SLC4A5: variants seen among roughly 807,000 people sequenced by gnomAD.
The protein encoded by SLC4A5 is solute carrier family 4 member 5.
Under a neutral mutation model 120.4 loss-of-function variants are expected in SLC4A5, and 96 were observed. That is an observed-to-expected ratio of 0.80 (90% CI 0.68 to 0.94). The LOEUF (loss-of-function observed/expected upper bound fraction) is 0.94. Ranked by LOEUF, SLC4A5 falls within the 40% of genes least tolerant of loss-of-function variation. The probability of loss-of-function intolerance (pLI) is 0.00; values close to 1 mark genes in which losing one functional copy is unlikely to be tolerated. For synonymous variants in SLC4A5, 550 were observed against 571.1 expected (o/e 0.96, Z 0.53); for missense variants, 1,259 against 1,459.5 (o/e 0.86, Z 2.24).
intron 3 of SLC4A5, among the ~76,000 whole-genome samples, chr2:74,336,192 C>A (rs897223478): frequency 3.9e-5 from 6 of 152,136 alleles, no homozygotes; most frequent in East Asian, 1.9e-4. Context: ...CTCAGCCTCC[C>A]AAATATCTGG....
At chr2:74,296,985 G>A (rs1573074599) in intron 7 of SLC4A5, among the ~76,000 whole-genome samples, 1 of 152,174 alleles carries the variant, frequency 6.6e-6, no homozygotes, top group South Asian at 2.1e-4. Flanking sequence ...ACCTTGTGAG[G>A]TTCCAGTGTC....
Position 74,262,229 on chromosome 2 carries a change from C to A in SLC4A5, c.719G>T (p.Arg240Leu), listed in dbSNP as rs200437626. The A allele has an allele frequency of 9.3e-6, 15 of 1,612,904 alleles. No individual in the cohort carries two copies. The African/African-American group carries it at 1.1e-4, about 11-fold the overall frequency. ...AGCACCAGGGCTCCGGGCAGGACTG[C>A]GATCTGGGAGGAGAATCAGAAGGGA... Residue 240 changes from arginine to leucine, a missense_variant, in exon 11 of 31, where the codon CGC (arginine) becomes CTC (leucine). Transcript: ENST00000394019.
At chr2:74,303,540 T>C (rs1009654287) in intron 7 of SLC4A5, among the ~76,000 whole-genome samples, 8 of 152,202 alleles carry the variant, frequency 5.3e-5, no homozygotes, top group African/African-American at 1.9e-4. Context: ...AAATGTCACA[T>C]TTGTGCTCTA....
chr2:74,239,226 TG>T, intron 21 of SLC4A5, 108 bp downstream of exon 21: 1 of 1,005,972 alleles, frequency 9.9e-7, no homozygotes, highest in Non-Finnish European at 1.5e-6. Context: ...AAAACCCCAG[TG>T]GGCCAGTGCT....
At chr2:74,265,578 T>C (rs1482822819) in intron 8 of SLC4A5, among the ~76,000 whole-genome samples, 1 of 152,222 alleles carries the variant, frequency 6.6e-6, no homozygotes, top group Non-Finnish European at 1.5e-5. Flanking sequence ...CTAAAAATCA[T>C]TTACCAGTAC....
intron 5 of SLC4A5, among the ~76,000 whole-genome samples, chr2:74,319,656 A>T (rs993629243): frequency 6.6e-6 from 1 of 152,000 alleles, no homozygotes; most frequent in African/African-American, 2.4e-5. Flanking sequence ...AATATAGTGC[A>T]TTCTCTCTCT....
Position 74,255,762 on chromosome 2 carries a change from C to T in SLC4A5, c.1025+13G>A. On this transcript the variant is annotated intron_variant, in intron 13 of 30. Coordinates refer to ENST00000394019, the Ensembl canonical transcript of SLC4A5. This position sits in a 1 kb window ranked among gnomAD's most constrained non-coding sequence, Gnocchi z 4.0. ...CTGAGAGTGGCGTGGGGACAGGTTT[C>T]AATGGCTCTCACCTGGTGGGGACAG... 6.2e-7 allele frequency: 1 copy of T among 1,613,924 alleles called. No homozygotes were observed. The highest frequency in any genetic ancestry group is 8.5e-7 in the Non-Finnish European group (1 of 1,179,898).
At chr2:74,279,563 C>T (rs1671746006) in intron 8 of SLC4A5, among the ~76,000 whole-genome samples, 1 of 152,122 alleles carries the variant, frequency 6.6e-6, no homozygotes, top group Non-Finnish European at 1.5e-5. Context: ...TTATCCTTTT[C>T]TGTGGGCTTG....
intron 12 of SLC4A5, among the ~76,000 whole-genome samples, chr2:74,257,042 C>A (rs1410773054): frequency 6.6e-6 from 1 of 152,178 alleles, no homozygotes; most frequent in African/African-American, 2.4e-5. Flanking sequence ...GAAGACACAG[C>A]TTCCTTGTGC....
At chr2:74,241,657 G>A (rs1181016244) in intron 20 of SLC4A5, among the ~76,000 whole-genome samples, 1 of 150,288 alleles carries the variant, frequency 6.7e-6, no homozygotes, top group African/African-American at 2.5e-5. Context: ...CAGGAGAATT[G>A]CTTGAACCTG....
In SLC4A5 at chr2:74,255,653, C is replaced by G. The variant is rs559838679; in HGVS notation, c.1025+122G>C. On this transcript the variant is annotated intron_variant, in intron 13 of 30. Coordinates refer to ENST00000394019, the Ensembl canonical transcript of SLC4A5. The surrounding 1 kb of genome is among the most constrained non-coding windows in gnomAD (Gnocchi z 4.0). The stretch of plus-strand genomic sequence containing the variant: ...TTCCCTAGTCAGAAGATTTCCCTTC[C>G]CAGCAGCCTCCACGTTTAGAGGTGC... The G allele has an allele frequency of 1.3e-3, 1,563 of 1,162,208 alleles. 5 individuals are homozygous for G. Among genetic ancestry groups the G allele is most frequent in the South Asian group, 6.2e-3 (393 of 63,408 alleles). The allele number at this position is 1,162,208 out of a possible 1,614,324, so 72.0% of individuals were successfully genotyped here.
chr2:74,320,410 A>G (rs1241637919), intron 5 of SLC4A5, among the ~76,000 whole-genome samples: 2 of 152,204 alleles, frequency 1.3e-5, no homozygotes, highest in Non-Finnish European at 1.5e-5. Context: ...CCAGAAAAAA[A>G]TAAGTCATCT....
chr2:74,241,850 G>T, intron 20 of SLC4A5, 144 bp downstream of exon 20: 1 of 576,132 alleles, frequency 1.7e-6, no homozygotes. Flanking sequence ...CATTTACAAA[G>T]CTCTGCAGGT....
chr2:74,339,398 TGAA>T (rs1452978422), intron 2 of SLC4A5: 6 of 151,802 alleles, frequency 4.0e-5, no homozygotes, highest in Non-Finnish European at 8.8e-5. Flanking sequence ...AAATAAAAGT[TGAA>T]GAAAAAAATA....
chr2:74,246,951 C>G (rs1670629307), intron 19 of SLC4A5, 85 bp downstream of exon 19: 27 of 1,529,158 alleles, frequency 1.8e-5, no homozygotes, highest in Non-Finnish European at 2.2e-5. Flanking sequence ...CCCTCCCCAG[C>G]AGTAGAAGTA....
chr2:74,292,303 T>C (rs1202252370), intron 7 of SLC4A5, among the ~76,000 whole-genome samples: 1 of 152,120 alleles, frequency 6.6e-6, no homozygotes, highest in Admixed American at 6.5e-5. Context: ...AAGGGCCCAA[T>C]CCTTCTCAGC....
chr2:74,242,427 A>G (rs1670477325), intron 19 of SLC4A5, among the ~76,000 whole-genome samples: 1 of 152,224 alleles, frequency 6.6e-6, no homozygotes, highest in Non-Finnish European at 1.5e-5. Flanking sequence ...AACTTACTCT[A>G]TGCCATGCCC....
At chr2:74,307,161 G>T in intron 6 of SLC4A5, 1 of 560,378 alleles carries the variant, frequency 1.8e-6, no homozygotes, top group Non-Finnish European at 3.3e-6. Flanking sequence ...AACCTTGGCA[G>T]ACTGCATGGT....
chr2:74,327,700 A>T (rs1361671543), intron 5 of SLC4A5, among the ~76,000 whole-genome samples: 1 of 152,208 alleles, frequency 6.6e-6, no homozygotes, highest in Non-Finnish European at 1.5e-5. Flanking sequence ...GTTTTCTGGG[A>T]AAGAGGTAAG....
Sources: gnomAD v4.1 joint callset for allele counts (sites outside exome capture counted in the v4.1 genomes callset) on GRCh38, gnomAD v4.1.1 for gene constraint, Gnocchi (gnomAD v3.1) non-coding constraint, MANE v1.5 for transcripts, NCBI Gene and HGNC (gene_info 2026-07-23, HGNC 2026-07-21) for gene names.